CATSPERB: variants seen among roughly 807,000 people sequenced by gnomAD.
The protein encoded by CATSPERB is catsper channel auxiliary subunit beta, also known as cation channel sperm-associated auxiliary subunit beta.
A neutral mutation model predicts 128.3 loss-of-function variants in CATSPERB; 93 were observed. That is an observed-to-expected ratio of 0.72 (90% CI 0.61 to 0.86). The LOEUF is 0.86. CATSPERB is among the 40% of genes least tolerant of loss of function. The probability of loss-of-function intolerance (pLI) is 0.00; values close to 1 mark genes in which losing one functional copy is unlikely to be tolerated. For synonymous variants in CATSPERB, 381 were observed against 448.8 expected (o/e 0.85, Z 1.91); for missense variants, 1,153 against 1,329.5 (o/e 0.87, Z 2.06).
At chr14:91,649,484 G>T (rs1237857002) in intron 15 of CATSPERB, among the ~76,000 whole-genome samples, 1 of 147,796 alleles carries the variant, frequency 6.8e-6, no homozygotes, top group African/African-American at 2.5e-5. Context: ...TGCTTTTTAA[G>T]ACTTGTATTG....
At chr14:91,686,830 A>C (rs1261542413) in intron 10 of CATSPERB, among the ~76,000 whole-genome samples, 1 of 152,230 alleles carries the variant, frequency 6.6e-6, no homozygotes, top group Non-Finnish European at 1.5e-5. Context: ...TGTTTGTAAT[A>C]GCAAAATATT....
chr14:91,603,793 C>T (rs1248650566), intron 22 of CATSPERB, among the ~76,000 whole-genome samples: 2 of 152,046 alleles, frequency 1.3e-5, no homozygotes, highest in East Asian at 3.9e-4. Flanking sequence ...AACTCTATCA[C>T]GAGAACAGCA....
intron 17 of CATSPERB, among the ~76,000 whole-genome samples, chr14:91,633,698 A>G (rs1313349138): frequency 6.6e-6 from 1 of 152,110 alleles, no homozygotes; most frequent in Non-Finnish European, 1.5e-5. Flanking sequence ...AATTCTATAG[A>G]TAAGCTCAAT....
At chr14:91,582,905 T>C (rs1743177) in intron 26 of CATSPERB, among the ~76,000 whole-genome samples, 106,444 of 152,112 alleles carry the variant, frequency 0.7, 37,724 homozygotes, top group East Asian at 0.96. Flanking sequence ...CACTACAACA[T>C]AGTTGGGACA....
At chr14:91,723,922 A>G (rs184837054) in intron 3 of CATSPERB, among the ~76,000 whole-genome samples, 135 of 152,298 alleles carry the variant, frequency 8.9e-4, no homozygotes, top group Non-Finnish European at 1.5e-3. Flanking sequence ...AAAAAATGAA[A>G]TAAATATAGA....
chr14:91,674,588 T>C (rs1300266628), intron 11 of CATSPERB, among the ~76,000 whole-genome samples: 7 of 152,102 alleles, frequency 4.6e-5, no homozygotes, highest in Non-Finnish European at 1.0e-4. Flanking sequence ...CATTTTAAAA[T>C]TTTTTTTATT....
chr14:91,631,679 AAAT>A (rs1357859713), intron 17 of CATSPERB, among the ~76,000 whole-genome samples: 11 of 151,936 alleles, frequency 7.2e-5, no homozygotes, highest in Non-Finnish European at 1.6e-4. Context: ...AAACAAACAA[AAAT>A]AATAATAATA....
intron 22 of CATSPERB, among the ~76,000 whole-genome samples, chr14:91,597,126 G>A (rs976331466): frequency 1.3e-5 from 2 of 151,626 alleles, no homozygotes; most frequent in Admixed American, 6.6e-5. Context: ...ATCTGACCTC[G>A]TGATCTGCCT....
At chr14:91,629,059 G>A (rs947207510) in intron 17 of CATSPERB, among the ~76,000 whole-genome samples, 1 of 152,136 alleles carries the variant, frequency 6.6e-6, no homozygotes, top group Non-Finnish European at 1.5e-5. Flanking sequence ...TACAAAACCT[G>A]CAAATAGGTG....
In CATSPERB at chr14:91,586,571, A is replaced by AAG. The variant is rs35756131; in HGVS notation, c.3132+629_3132+630dup. On this transcript the variant is annotated intron_variant, in intron 26 of 26. Transcript: ENST00000256343. ...GGAGAGAGAGAGAGAGAGAGAGAGA[A>AAG]AGAGAGAGAGAGAGAGAGAGAGACA... Among the ~76,000 whole-genome samples the AAG allele has an allele frequency of 1.2e-3, 136 of 114,208 alleles. 1 individual carries two copies. Among genetic ancestry groups the AAG allele is most frequent in the African/African-American group, 2.3e-3 (64 of 27,760 alleles). The allele number at this position is 114,208 out of a possible 152,430, so 74.9% of individuals were successfully genotyped here.
At position 91,669,942 on chromosome 14, in the gene CATSPERB, TGCTCACAGAG is replaced by T. The variant is rs752429612; in HGVS notation, c.1149_1158del (p.Ser384ProfsTer2). 1.2e-6 allele frequency: 2 copies of T among 1,613,492 alleles called. No individual in the cohort carries two copies. The highest frequency in any genetic ancestry group is 2.2e-5 in the South Asian group (2 of 90,866). ...GAATTTGGTTCATTATTTCTCAGGGTGCTCACAGAGGCAATGGCAGTTTTCCTGACCTAGG... is the reference window on the plus strand; with the variant it reads ...GAATTTGGTTCATTATTTCTCAGGGTGCAATGGCAGTTTTCCTGACCTAGG... On this transcript the variant is annotated frameshift_variant, in exon 14 of 27. Coordinates refer to ENST00000256343, the MANE Select transcript of CATSPERB (RefSeq NM_024764.4). LOFTEE classifies it high-confidence loss of function.
intron 23 of CATSPERB, among the ~76,000 whole-genome samples, chr14:91,590,543 A>C (rs1345337233): frequency 1.3e-5 from 2 of 152,164 alleles, no homozygotes; most frequent in Non-Finnish European, 2.9e-5. Context: ...AAAAAGTAAA[A>C]ACGAAAATAA....
At chr14:91,707,568 G>C (rs1270568384) in intron 6 of CATSPERB, among the ~76,000 whole-genome samples, 2 of 126,804 alleles carry the variant, frequency 1.6e-5, no homozygotes, top group East Asian at 4.6e-4. Flanking sequence ...AGTAAAATAT[G>C]TACTTCCTTT....
chr14:91,671,248 C>T (rs1342689866), intron 13 of CATSPERB, among the ~76,000 whole-genome samples: 1 of 152,100 alleles, frequency 6.6e-6, no homozygotes, highest in Non-Finnish European at 1.5e-5. Context: ...AAAGACCACT[C>T]ATACCTAGAT....
chr14:91,706,759 T>A (rs1895739710), intron 6 of CATSPERB, among the ~76,000 whole-genome samples: 1 of 152,184 alleles, frequency 6.6e-6, no homozygotes, highest in African/African-American at 2.4e-5. Flanking sequence ...AATGATATCA[T>A]CCTCTACTTG....
chr14:91,598,078 T>A (rs960207496), intron 22 of CATSPERB, among the ~76,000 whole-genome samples: 1 of 151,740 alleles, frequency 6.6e-6, no homozygotes, highest in African/African-American at 2.4e-5. Context: ...GTTCTGAAAT[T>A]CCCTCCTTTT....
At chr14:91,669,245 ACTTT>A (rs1895044027) in intron 14 of CATSPERB, among the ~76,000 whole-genome samples, 1 of 151,712 alleles carries the variant, frequency 6.6e-6, no homozygotes, top group Non-Finnish European at 1.5e-5. Context: ...TCATTGCAGT[ACTTT>A]CTTAGTTCCA....
intron 14 of CATSPERB, among the ~76,000 whole-genome samples, chr14:91,665,776 A>T (rs761761615): frequency 6.6e-6 from 1 of 152,158 alleles, no homozygotes. Flanking sequence ...AGGCTGAGGC[A>T]GGAGAATCAC....
At chr14:91,679,257 C>T (rs1253227285) in intron 11 of CATSPERB, among the ~76,000 whole-genome samples, 2 of 152,026 alleles carry the variant, frequency 1.3e-5, no homozygotes. Context: ...GCTTCCTAAG[C>T]TTTCACTAAA....
Sources: allele counts gnomAD v4.1 joint callset (sites outside exome capture counted in the v4.1 genomes callset), GRCh38; gene constraint gnomAD v4.1.1; transcripts MANE v1.5; gene names NCBI Gene and HGNC (gene_info 2026-07-23, HGNC 2026-07-21).